The following HPSE2 variants were observed in gnomAD, a reference collection of about 807,000 sequenced individuals.
HPSE2 encodes heparanase 2 (inactive), also known as inactive heparanase-2.
Under a neutral mutation model 60.5 loss-of-function variants are expected in HPSE2, and 38 were observed. The observed-to-expected ratio is 0.63, with a 90% CI of 0.48 to 0.82. The LOEUF (loss-of-function observed/expected upper bound fraction) is 0.82, where lower values mean the gene tolerates loss of function less well. HPSE2 is among the 40% of genes least tolerant of loss of function. HPSE2 has a pLI of 0.00. For missense variants in HPSE2, 713 were observed against 740.4 expected, an observed-to-expected ratio of 0.96 and a Z score of 0.43; for synonymous variants, 295 against 293.2, an observed-to-expected ratio of 1.01 and a Z score of -0.06.
chr10:99,285,476 AAGGGAGGG>A, the HPSE2 span, among the ~76,000 whole-genome samples: 7 of 97,116 alleles, frequency 7.2e-5, no homozygotes, highest in East Asian at 3.4e-4. Flanking sequence ...GGAAGGAAGG[AAGGGAGGG>A]AGGGAGGGAG....
intron 3 of HPSE2, among the ~76,000 whole-genome samples, chr10:99,143,347 TA>T (rs964295051): frequency 4.7e-5 from 7 of 148,120 alleles, no homozygotes; most frequent in South Asian, 2.1e-4. Context: ...AAGAAGTCTG[TA>T]AAAAAAAAAG....
chr10:98,768,330 C>T (rs2801410), intron 3 of HPSE2, among the ~76,000 whole-genome samples: 123,845 of 152,162 alleles, frequency 0.81, 50,875 homozygotes, highest in African/African-American at 0.9. Flanking sequence ...AGTTTGTCTC[C>T]GGAGAGAAGG....
chr10:98,735,513 G>C (rs1314234541), intron 4 of HPSE2, among the ~76,000 whole-genome samples: 1 of 151,734 alleles, frequency 6.6e-6, no homozygotes, highest in East Asian at 2.0e-4. Context: ...AGAGCCATGA[G>C]AAGAGGGCCA....
rs1401553409 is a variant in HPSE2 at position 98,945,970 on chromosome 10, G to C, written c.610+198268C>G. On this transcript the variant is annotated intron_variant, in intron 3 of 11. Transcript: ENST00000370552. ...AACTGTGCGGGTCAACTTATATGCA[G>C]ATTTTTTCAATAAGATATATCAGAA... 3.9e-5 allele frequency among the ~76,000 whole-genome samples: 6 copies of C among 152,026 alleles called. No individual in the cohort carries two copies. The South Asian group carries it at 6.2e-4, about 16-fold the overall frequency.
intron 3 of HPSE2, among the ~76,000 whole-genome samples, chr10:99,056,630 G>T (rs1263641153): frequency 6.6e-6 from 1 of 152,118 alleles, no homozygotes; most frequent in Non-Finnish European, 1.5e-5. Context: ...CTAAAAATTA[G>T]TTGATGTGAA....
intron 6 of HPSE2, among the ~76,000 whole-genome samples, chr10:98,647,692 C>A (rs547235665): frequency 6.6e-6 from 1 of 152,350 alleles, no homozygotes; most frequent in African/African-American, 2.4e-5. Context: ...TGCCCCTCCT[C>A]CAAAGGCCCT....
chr10:99,092,132 T>C (rs1438870647), intron 3 of HPSE2, among the ~76,000 whole-genome samples: 1 of 152,172 alleles, frequency 6.6e-6, no homozygotes, highest in African/African-American at 2.4e-5. Context: ...GATTCACATA[T>C]ATATCAGCAT....
chr10:98,638,728 G>A (rs1946563441), intron 7 of HPSE2, among the ~76,000 whole-genome samples: 1 of 152,176 alleles, frequency 6.6e-6, no homozygotes, highest in African/African-American at 2.4e-5. Context: ...CTCTCCTCTT[G>A]GAGGCCCTAA....
the HPSE2 span, among the ~76,000 whole-genome samples, chr10:99,282,685 A>G: frequency 1.3e-5 from 2 of 152,226 alleles, no homozygotes; most frequent in African/African-American, 4.8e-5. Context: ...GAAAGAAACC[A>G]AGAAAACAAC....
At chr10:98,736,855 C>A (rs1949370217) in intron 4 of HPSE2, among the ~76,000 whole-genome samples, 1 of 152,164 alleles carries the variant, frequency 6.6e-6, no homozygotes, top group South Asian at 2.1e-4. Flanking sequence ...TTCAAGGATT[C>A]CTCCAACTCC....
intron 3 of HPSE2, among the ~76,000 whole-genome samples, chr10:98,931,783 T>C (rs1360057649): frequency 1.4e-5 from 2 of 143,642 alleles, no homozygotes; most frequent in African/African-American, 2.8e-5. Context: ...GTTGTTGGTG[T>C]ATAGGAATGC....
At chr10:98,582,225 G>C (rs1387116453) in intron 9 of HPSE2, among the ~76,000 whole-genome samples, 1 of 152,196 alleles carries the variant, frequency 6.6e-6, no homozygotes, top group African/African-American at 2.4e-5. Context: ...AAGAGTACAA[G>C]CTATGCTCTA....
intron 2 of HPSE2, among the ~76,000 whole-genome samples, chr10:99,177,706 A>C (rs1461315935): frequency 6.6e-6 from 1 of 152,220 alleles, no homozygotes; most frequent in Non-Finnish European, 1.5e-5. Flanking sequence ...AATATTAGAC[A>C]GATCAATGAG....
chr10:99,161,440 G>A (rs749474482), intron 2 of HPSE2, among the ~76,000 whole-genome samples: 4 of 152,064 alleles, frequency 2.6e-5, no homozygotes, highest in Admixed American at 1.3e-4. Context: ...TGTGTCTGGT[G>A]AAAGAAGCCA....
the HPSE2 span, among the ~76,000 whole-genome samples, chr10:99,262,134 G>C: frequency 6.6e-5 from 10 of 152,266 alleles, no homozygotes; most frequent in African/African-American, 2.2e-4. Flanking sequence ...TTATAGTGGA[G>C]GGTAAGCCTG....
At chr10:98,820,689 T>A (rs1404591674) in intron 3 of HPSE2, among the ~76,000 whole-genome samples, 1 of 152,176 alleles carries the variant, frequency 6.6e-6, no homozygotes, top group East Asian at 1.9e-4. Flanking sequence ...GGGGGTTCTT[T>A]ACCCCAAAAC....
chr10:98,861,799 G>T (rs1035016829), intron 3 of HPSE2, among the ~76,000 whole-genome samples: 2 of 152,122 alleles, frequency 1.3e-5, no homozygotes, highest in Admixed American at 6.6e-5. Flanking sequence ...AAAAGGGGAT[G>T]CAGGAAAAAG....
intron 3 of HPSE2, among the ~76,000 whole-genome samples, chr10:98,841,044 A>G (rs7098487): frequency 0.091 from 13,892 of 152,170 alleles, 2,081 homozygotes; most frequent in African/African-American, 0.31. Flanking sequence ...AATCACTTGA[A>G]GCCAGGAGTT....
chr10:99,167,005 G>GTTTT (rs36142410), intron 2 of HPSE2, among the ~76,000 whole-genome samples: 29,847 of 149,016 alleles, frequency 0.2, 3,139 homozygotes, highest in Admixed American at 0.25. Flanking sequence ...TTTCCTTTTT[G>GTTTT]TTTGTTTGTT....
Sources: allele counts gnomAD v4.1 joint callset (sites outside exome capture counted in the v4.1 genomes callset), GRCh38; gene constraint gnomAD v4.1.1; transcripts MANE v1.5; gene names NCBI Gene and HGNC (gene_info 2026-07-23, HGNC 2026-07-21).